Variants in NAF1 observed in about 807,000 individuals in gnomAD.
NAF1 encodes H/ACA ribonucleoprotein complex non-core subunit NAF1.
NAF1 carries 11 observed loss-of-function variants against 40.6 expected under a neutral mutation model. The observed-to-expected ratio is 0.27, with a 90% confidence interval of 0.17 to 0.45. The LOEUF is 0.45. Among genes scored for constraint, NAF1 ranks in the 20% least tolerant of loss-of-function variants. The pLI is 1.00. For missense variants in NAF1, 607 were observed against 611.1 expected, an observed-to-expected ratio of 0.99 and a Z score of 0.07; for synonymous variants, 260 against 228.5, an observed-to-expected ratio of 1.14 and a Z score of -1.24.
downstream of NAF1, among the ~76,000 whole-genome samples, chr4:163,109,566 T>C (rs370864903): frequency 2.0e-5 from 3 of 152,220 alleles, no homozygotes; most frequent in East Asian, 5.8e-4. Flanking sequence ...TAATAATGTA[T>C]TCAAAGCATT....
At chr4:163,125,217 C>T (rs747624686), downstream of NAF1, among the ~76,000 whole-genome samples, 5 of 152,252 alleles carry the variant, frequency 3.3e-5, no homozygotes, top group South Asian at 8.3e-4. Flanking sequence ...TCTAAGTATT[C>T]AAGTGAAAGG....
downstream of NAF1, among the ~76,000 whole-genome samples, chr4:163,127,888 TGGA>T (rs1730715123): frequency 6.6e-6 from 1 of 152,292 alleles, no homozygotes; most frequent in Non-Finnish European, 1.5e-5. Flanking sequence ...ATCTACTTAG[TGGA>T]AACTGCTAAT....
rs1232198030 is a variant in NAF1, at chr4:163,129,055, G to A, written c.1327C>T (p.Pro443Ser). The change falls in exon 8 of 8, where the codon CCA becomes TCA. Residue 443 changes from proline to serine, a missense_variant. By Grantham distance (74) the Pro-to-Ser change is moderately conservative. Around this residue, in one of 3 missense-constraint regions of NAF1, gnomAD observed 189 missense variants for 216.6 expected, o/e 0.87. Coordinates refer to ENST00000274054, the MANE Select transcript of NAF1 (RefSeq NM_138386.3). ...CAACCCATGTTTACAGGTGGGGGTG[G>A]TGGTGGGGGTGGAGGGCGGAGGGGA... ...NFPLRPPPPP[P>S]PPPVNMGWAT... 6.5e-7 allele frequency: 1 copy of A among 1,528,584 alleles called. No individual in the cohort carries two copies. The highest frequency in any genetic ancestry group is 1.2e-5 in the South Asian group (1 of 83,476). The allele number at this position is 1,528,584 out of a possible 1,614,324, so 94.7% of individuals were successfully genotyped here.
At chr4:163,111,322 A>T (rs368190468) in intron 2 of NAF1, among the ~76,000 whole-genome samples, 2 of 152,252 alleles carry the variant, frequency 1.3e-5, no homozygotes, top group East Asian at 3.9e-4. Flanking sequence ...ATCCCTAGAA[A>T]ATTGGAAAGC....
At chr4:163,115,166 A>G (rs1243236758) in intron 2 of NAF1, among the ~76,000 whole-genome samples, 1 of 151,666 alleles carries the variant, frequency 6.6e-6, no homozygotes, top group Non-Finnish European at 1.5e-5. Context: ...TATTCTCAAT[A>G]AAGTTTGATA....
chr4:163,137,146 G>T, intron 6 of NAF1, 53 bp downstream of exon 6: 1 of 1,596,286 alleles, frequency 6.3e-7, no homozygotes, highest in Non-Finnish European at 8.6e-7. Context: ...AAATTTATAA[G>T]ATTAAGTCCT....
intron 2 of NAF1, among the ~76,000 whole-genome samples, chr4:163,114,458 T>A (rs1362903569): frequency 1.3e-5 from 2 of 152,226 alleles, no homozygotes; most frequent in Non-Finnish European, 2.9e-5. Flanking sequence ...AAATTTATTT[T>A]CAAGGCTTAC....
chr4:163,132,028 T>C (rs574637573), intron 7 of NAF1, among the ~76,000 whole-genome samples: 1 of 152,252 alleles, frequency 6.6e-6, no homozygotes, highest in African/African-American at 2.4e-5. Flanking sequence ...ACTACAAACC[T>C]AGCAGAATGG....
intron 2 of NAF1, among the ~76,000 whole-genome samples, chr4:163,160,062 A>G (rs901678261): frequency 5.9e-5 from 9 of 152,170 alleles, no homozygotes; most frequent in Non-Finnish European, 1.0e-4. Flanking sequence ...AAATTGTTTA[A>G]AAAGAATCTC....
chr4:163,151,246 A>C (rs1731690576), intron 2 of NAF1, among the ~76,000 whole-genome samples: 1 of 152,020 alleles, frequency 6.6e-6, no homozygotes, highest in African/African-American at 2.4e-5. Flanking sequence ...TTAGCATTTT[A>C]ATTTTTATGT....
At chr4:163,131,171 CAAT>C (rs1245592233) in intron 7 of NAF1, among the ~76,000 whole-genome samples, 1 of 152,124 alleles carries the variant, frequency 6.6e-6, no homozygotes, top group African/African-American at 2.4e-5. Flanking sequence ...TGCGCTCGGC[CAAT>C]AATGACTTTT....
Position 163,145,849 on chromosome 4 carries a change from A to G in NAF1, c.650T>C (p.Met217Thr). The change falls in exon 4 of 8, where the codon ATG becomes ACG. Residue 217 changes from methionine to threonine, a missense_variant. Coordinates refer to ENST00000274054, the MANE Select transcript of NAF1 (RefSeq NM_138386.3). ...IIEQLVIIESMTNLPPVNEET... is the reference protein window; with the variant it reads ...IIEQLVIIESTTNLPPVNEET... ...CTCATTAACTGGAGGTAGGTTAGTC[A>G]TAGATTCAATTATTACTGAAAAATA... 6.6e-7 allele frequency: 1 copy of G among 1,517,998 alleles called. No individual in the cohort carries two copies. Among genetic ancestry groups the G allele is most frequent in the Admixed American group, 1.7e-5 (1 of 57,834 alleles). The allele number at this position is 1,517,998 out of a possible 1,614,324, so 94.0% of individuals were successfully genotyped here.
intron 2 of NAF1, among the ~76,000 whole-genome samples, chr4:163,110,536 G>A (rs1730129481): frequency 6.6e-6 from 1 of 152,066 alleles, no homozygotes; most frequent in South Asian, 2.1e-4. Flanking sequence ...TATCCCCCAA[G>A]GCTCAGGGGG....
intron 6 of NAF1, among the ~76,000 whole-genome samples, chr4:163,133,830 T>C (rs966265908): frequency 6.6e-5 from 10 of 152,192 alleles, no homozygotes; most frequent in African/African-American, 1.2e-4. Context: ...TGTGTGTGTG[T>C]GCAGTGGTGC....
At chr4:163,127,395 G>T (rs111903157), downstream of NAF1, among the ~76,000 whole-genome samples, 4 of 152,040 alleles carry the variant, frequency 2.6e-5, no homozygotes, top group Non-Finnish European at 5.9e-5. Flanking sequence ...CTCCCAAAGC[G>T]CTGGGATTAC....
intron 6 of NAF1, chr4:163,133,625 T>C (rs1730952046): frequency 5.6e-6 from 1 of 178,560 alleles, no homozygotes; most frequent in African/African-American, 2.4e-5. Flanking sequence ...CAATGTTCCA[T>C]AATTCATTCA....
At chr4:163,155,505 G>A (rs967465546) in intron 2 of NAF1, among the ~76,000 whole-genome samples, 10 of 152,100 alleles carry the variant, frequency 6.6e-5, no homozygotes, top group East Asian at 1.9e-4. Context: ...ACCCGATATA[G>A]AATCCTCAAA....
At chr4:163,111,502 A>T (rs1301811569) in intron 2 of NAF1, among the ~76,000 whole-genome samples, 1 of 152,198 alleles carries the variant, frequency 6.6e-6, no homozygotes, top group African/African-American at 2.4e-5. Flanking sequence ...GGGAGCAGAA[A>T]TGTCCAGTGG....
At chr4:163,133,277 A>T in intron 6 of NAF1, 21 bp from the exon 7 acceptor site, 3 of 1,589,598 alleles carry the variant, frequency 1.9e-6, no homozygotes, top group Non-Finnish European at 2.6e-6. Flanking sequence ...AAAGTATATA[A>T]TAGGTTTATG....
Sources: gnomAD v4.1 joint callset for allele counts (sites outside exome capture counted in the v4.1 genomes callset) on GRCh38, gnomAD v4.1.1 for gene constraint, gnomAD v4.1.1 regional missense constraint, MANE v1.5 for transcripts, NCBI Gene and HGNC (gene_info 2026-07-23, HGNC 2026-07-21) for gene names.